GBF1: variants seen among roughly 807,000 people sequenced by gnomAD.
GBF1 encodes golgi brefeldin A resistant guanine nucleotide exchange factor 1.
In GBF1, 114 loss-of-function variants were observed where a neutral mutation model predicts 210.5. The observed-to-expected ratio is 0.54, with a 90% CI of 0.47 to 0.63. The LOEUF (loss-of-function observed/expected upper bound fraction) is 0.63, where lower values mean the gene tolerates loss of function less well. Ranked by LOEUF, GBF1 falls within the 30% of genes least tolerant of loss-of-function variation. The pLI is 0.00. For synonymous variants in GBF1, 850 were observed against 889.2 expected, an observed-to-expected ratio of 0.96 and a Z score of 0.78; for missense variants, 1,851 against 2,357.7, an observed-to-expected ratio of 0.79 and a Z score of 4.45.
At chr10:102,350,077 A>G (rs1376133673) in intron 4 of GBF1, among the ~76,000 whole-genome samples, 1 of 152,158 alleles carries the variant, frequency 6.6e-6, no homozygotes, top group Non-Finnish European at 1.5e-5. Context: ...TGGGCCAGGC[A>G]TGGTAGCTCA....
chr10:102,243,591 G>A (rs749827996), upstream of GBF1, among the ~76,000 whole-genome samples: 1 of 152,118 alleles, frequency 6.6e-6, no homozygotes. Context: ...TTTTCCAATC[G>A]GCTTTCCAGG....
rs555837013 is a variant in GBF1, at chr10:102,362,055, T to C, written c.1686+143T>C. The stretch of plus-strand genomic sequence containing the variant: ...AAGGCATTTTCTTTTCTTTTCTTTT[T>C]TTTTTTTTTTTTTTTTTTTGAGATG... On this transcript the variant is annotated intron_variant, in intron 14 of 39. Coordinates refer to ENST00000369983, the MANE Select transcript of GBF1 (RefSeq NM_001377137.1). The C allele has an allele frequency of 9.0e-3, 3,094 of 345,162 alleles. 6 individuals carry two copies. Among genetic ancestry groups the C allele is most frequent in the Admixed American group, 0.011 (214 of 19,280 alleles). The allele number at this position is 345,162 out of a possible 1,614,324, so 21.4% of individuals were successfully genotyped here. A position where few individuals can be genotyped will look rare whatever the true frequency, so the allele number is the denominator to read the frequency against.
intron 3 of GBF1, among the ~76,000 whole-genome samples, chr10:102,314,302 A>G (rs116627974): frequency 0.012 from 1,854 of 151,404 alleles, 33 homozygotes; most frequent in African/African-American, 0.043. Context: ...ACACCACCAC[A>G]CCTGGCTAAT....
intron 3 of GBF1, among the ~76,000 whole-genome samples, chr10:102,304,524 A>G (rs1165778735): frequency 2.6e-5 from 4 of 152,182 alleles, no homozygotes; most frequent in African/African-American, 9.6e-5. Flanking sequence ...CTGTAATTCT[A>G]GCACTTTGGG....
At chr10:102,233,671 A>G in the GBF1 span, among the ~76,000 whole-genome samples, 1 of 152,048 alleles carries the variant, frequency 6.6e-6, no homozygotes, top group Non-Finnish European at 1.5e-5. Flanking sequence ...ACAAGTATAA[A>G]AACCACTGGG....
chr10:102,305,852 A>G (rs953053558), intron 3 of GBF1, among the ~76,000 whole-genome samples: 1 of 152,236 alleles, frequency 6.6e-6, no homozygotes, highest in African/African-American at 2.4e-5. Context: ...GTGTAATACA[A>G]ACATGATCAC....
intron 3 of GBF1, among the ~76,000 whole-genome samples, chr10:102,263,635 T>C (rs1434350210): frequency 1.3e-5 from 2 of 152,192 alleles, no homozygotes; most frequent in Non-Finnish European, 2.9e-5. Context: ...CTCATTATTG[T>C]GAAGGAAATA....
the GBF1 span, among the ~76,000 whole-genome samples, chr10:102,233,385 C>T: frequency 1.4e-5 from 2 of 141,022 alleles, no homozygotes; most frequent in Non-Finnish European, 3.0e-5. Context: ...CTCACTGCAA[C>T]CTCCACCTCC....
the GBF1 span, chr10:102,230,667 G>A: frequency 6.3e-6 from 10 of 1,592,064 alleles, no homozygotes; most frequent in East Asian, 4.6e-5. Context: ...AGACGTAGGG[G>A]GAAGAGGCGG....
rs540439176 is a variant in GBF1 at position 102,379,689 on chromosome 10, C to T, written c.4776+38C>T. 2.7e-5 allele frequency: 44 copies of T among 1,612,036 alleles called. 1 individual carries two copies. The South Asian group carries it at 4.6e-4, about 17-fold the overall frequency. On this transcript the variant is annotated intron_variant, in intron 35 of 39. Coordinates refer to ENST00000369983, the MANE Select transcript of GBF1 (RefSeq NM_001377137.1). ...ACTGGTCTTAAGATAAAGTTCAAAT[C>T]CTAAGAAAAGGAAAGCCAGGCAGCC...
intron 3 of GBF1, among the ~76,000 whole-genome samples, chr10:102,293,816 C>T (rs1393157057): frequency 2.1e-5 from 2 of 97,014 alleles, no homozygotes; most frequent in Admixed American, 1.5e-4. Context: ...CTCACTCTGT[C>T]GCCCAGGCTA....
chr10:102,289,564 A>G (rs2076267043), intron 3 of GBF1, among the ~76,000 whole-genome samples: 1 of 152,234 alleles, frequency 6.6e-6, no homozygotes, highest in Non-Finnish European at 1.5e-5. Context: ...ATCTCAAAAC[A>G]AACAAAAATT....
the GBF1 span, among the ~76,000 whole-genome samples, chr10:102,237,655 G>T: frequency 6.6e-6 from 1 of 152,126 alleles, no homozygotes; most frequent in Admixed American, 6.6e-5. Flanking sequence ...TGAAACAGCT[G>T]CCACTAGTAT....
chr10:102,299,575 G>C (rs371730855), intron 3 of GBF1, among the ~76,000 whole-genome samples: 2 of 152,224 alleles, frequency 1.3e-5, no homozygotes. Flanking sequence ...CTGAGTTCAG[G>C]AGTTCGAGAC....
chr10:102,367,686 G>A (rs2059987111), intron 21 of GBF1, 126 bp downstream of exon 21: 1 of 689,142 alleles, frequency 1.5e-6, no homozygotes, highest in East Asian at 2.7e-5. Context: ...TCAGGACTTA[G>A]TTGGGCAGCC....
At chr10:102,342,773 G>A (rs1460564773) in intron 3 of GBF1, among the ~76,000 whole-genome samples, 2 of 152,104 alleles carry the variant, frequency 1.3e-5, no homozygotes, top group African/African-American at 4.8e-5. Context: ...CTTTTAGGGA[G>A]CTGGTCTCTG....
intron 10 of GBF1, 160 bp from the exon 11 acceptor site, chr10:102,359,107 C>T (rs2059449128): frequency 3.2e-6 from 2 of 633,654 alleles, no homozygotes; most frequent in Non-Finnish European, 5.6e-6. Flanking sequence ...CTTCATCATA[C>T]TCCTACCTGA....
At chr10:102,257,943 T>C (rs1428185923) in intron 1 of GBF1, among the ~76,000 whole-genome samples, 1 of 152,104 alleles carries the variant, frequency 6.6e-6, no homozygotes, top group African/African-American at 2.4e-5. Flanking sequence ...TCTGTGTACT[T>C]AAAGGCATCA....
chr10:102,271,855 G>T (rs1310371870), intron 3 of GBF1, among the ~76,000 whole-genome samples: 1 of 151,548 alleles, frequency 6.6e-6, no homozygotes. Flanking sequence ...GGGCTCAAGT[G>T]ATCCTCCCAC....
Sources: gnomAD v4.1 joint callset for allele counts (sites outside exome capture counted in the v4.1 genomes callset) on GRCh38, gnomAD v4.1.1 for gene constraint, MANE v1.5 for transcripts, NCBI Gene and HGNC (gene_info 2026-07-23, HGNC 2026-07-21) for gene names.